RBM25: variants seen among roughly 807,000 people sequenced by gnomAD.
The protein encoded by RBM25 is RNA-binding protein 25.
A neutral mutation model predicts 120.7 loss-of-function variants in RBM25; 19 were observed. The ratio of observed to expected loss-of-function variants is 0.16; its 90% CI spans 0.11 to 0.23. RBM25 has a LOEUF of 0.23. Ranked by LOEUF, RBM25 falls within the 10% of genes least tolerant of loss-of-function variation. The pLI, the probability that RBM25 is intolerant of heterozygous loss-of-function variation, is 1.00. For missense variants in RBM25, 605 were observed against 1,041.5 expected, an observed-to-expected ratio of 0.58 and a Z score of 5.77; for synonymous variants, 390 against 326.7, an observed-to-expected ratio of 1.19 and a Z score of -2.09.
intron 6 of RBM25, among the ~76,000 whole-genome samples, chr14:73,094,528 A>G (rs1895892094): frequency 6.7e-6 from 1 of 148,336 alleles, no homozygotes; most frequent in Non-Finnish European, 1.5e-5. Flanking sequence ...GCTCACTGCA[A>G]TCTCTGCCTC....
chr14:73,068,946 C>T (rs186970710), intron 1 of RBM25, among the ~76,000 whole-genome samples: 5 of 152,276 alleles, frequency 3.3e-5, no homozygotes, highest in Non-Finnish European at 5.9e-5. Flanking sequence ...CTCTGTCACC[C>T]AGGCTGGAGT....
intron 18 of RBM25, among the ~76,000 whole-genome samples, chr14:73,118,430 A>G (rs931012297): frequency 2.0e-5 from 3 of 151,522 alleles, no homozygotes; most frequent in African/African-American, 7.3e-5. Flanking sequence ...GTGCACCATG[A>G]TCATGCCACT....
chr14:73,074,409 A>G (rs1451844164), intron 2 of RBM25, among the ~76,000 whole-genome samples: 1 of 151,956 alleles, frequency 6.6e-6, no homozygotes, highest in Non-Finnish European at 1.5e-5. Flanking sequence ...GATGGGCCTT[A>G]CCATAACCAT....
intron 5 of RBM25, among the ~76,000 whole-genome samples, chr14:73,085,219 G>A (rs377611442): frequency 4.0e-5 from 6 of 149,350 alleles, no homozygotes; most frequent in South Asian, 2.1e-4. Flanking sequence ...GGGTTTCACC[G>A]TGTTGGCCAG....
At chr14:73,085,319 A>AC (rs1290585423) in intron 5 of RBM25, among the ~76,000 whole-genome samples, 42 of 130,338 alleles carry the variant, frequency 3.2e-4, no homozygotes, top group Middle Eastern at 9.6e-3. Context: ...GCCCGGCCTC[A>AC]TCAGTAGTCT....
At chr14:73,093,304 C>T (rs1369516259) in intron 6 of RBM25, among the ~76,000 whole-genome samples, 1 of 152,178 alleles carries the variant, frequency 6.6e-6, no homozygotes, top group Non-Finnish European at 1.5e-5. Context: ...AAGGTTCGTA[C>T]TTTGGATTCT....
intron 5 of RBM25, among the ~76,000 whole-genome samples, chr14:73,086,739 C>G (rs1457762292): frequency 6.6e-6 from 1 of 152,110 alleles, no homozygotes; most frequent in East Asian, 1.9e-4. Flanking sequence ...GGGTCTCTGT[C>G]TGTTGCCCAG....
chr14:73,100,122 A>G, intron 9 of RBM25: 1 of 472,078 alleles, frequency 2.1e-6, no homozygotes, highest in Non-Finnish European at 3.7e-6. Context: ...TCTTAGGAAT[A>G]CCTTTTCTTT....
chr14:73,084,064 A>G (rs1895627747), intron 5 of RBM25, among the ~76,000 whole-genome samples: 1 of 151,844 alleles, frequency 6.6e-6, no homozygotes. Flanking sequence ...TGCCCGGCTA[A>G]TTTTTGTATT....
chr14:73,119,307 C>G (rs914017245), intron 18 of RBM25, among the ~76,000 whole-genome samples: 2 of 151,824 alleles, frequency 1.3e-5, no homozygotes, highest in African/African-American at 4.8e-5. Flanking sequence ...GAGTCTTGCT[C>G]TGTTGCTCAG....
intron 13 of RBM25, among the ~76,000 whole-genome samples, chr14:73,108,816 G>C (rs1294889470): frequency 6.6e-6 from 1 of 152,156 alleles, no homozygotes; most frequent in East Asian, 1.9e-4. Flanking sequence ...AATATTGAAG[G>C]CTAGAAGCAT....
At chr14:73,080,909 C>T (rs1439924677) in intron 4 of RBM25, among the ~76,000 whole-genome samples, 1 of 151,046 alleles carries the variant, frequency 6.6e-6, no homozygotes, top group African/African-American at 2.4e-5. Flanking sequence ...ACTGCAACCT[C>T]GCCATCCGGG....
chr14:73,099,793 T>C, intron 9 of RBM25, 43 bp downstream of exon 9: 2 of 1,551,034 alleles, frequency 1.3e-6, no homozygotes, highest in Non-Finnish European at 1.7e-6. Context: ...CTAGACTTTT[T>C]ACAGAATCCA....
chr14:73,075,320 G>C (rs766318149), intron 2 of RBM25, among the ~76,000 whole-genome samples: 6 of 151,916 alleles, frequency 3.9e-5, no homozygotes, highest in Non-Finnish European at 5.9e-5. Context: ...CACTACGCCT[G>C]GCTAATTTTT....
intron 18 of RBM25, among the ~76,000 whole-genome samples, chr14:73,119,289 T>C (rs1566604554): frequency 6.6e-6 from 1 of 152,068 alleles, no homozygotes; most frequent in Admixed American, 6.5e-5. Context: ...TTTTTCTTTT[T>C]TGAGATGGAG....
At chr14:73,098,846 G>T (rs1380780130) in intron 7 of RBM25, among the ~76,000 whole-genome samples, 1 of 152,154 alleles carries the variant, frequency 6.6e-6, no homozygotes, top group Non-Finnish European at 1.5e-5. Context: ...GTTTCACTGT[G>T]TTAGCCAGGA....
intron 6 of RBM25, among the ~76,000 whole-genome samples, chr14:73,093,478 G>A (rs1336607412): frequency 1.3e-5 from 2 of 152,058 alleles, no homozygotes; most frequent in East Asian, 3.9e-4. Context: ...TTCACCTTTT[G>A]TTTCCCAGTA....
Position 73,122,115 on chromosome 14 carries a change from A to C in RBM25, c.*2310A>C, listed in dbSNP as rs1896549376. ...CAGGCATATTCTAGTGTCTGAAAAT[A>C]CACATAAGAAATTTCTATTAAGTTG... On this transcript the variant is annotated 3_prime_UTR_variant, in exon 19 of 19. Coordinates refer to ENST00000261973, the MANE Select transcript of RBM25 (RefSeq NM_021239.3). 6.6e-6 allele frequency: 1 copy of C among 152,236 alleles called. No homozygotes were observed. 9.4% of individuals were successfully genotyped at this position (152,236 alleles called of 1,614,324 possible). A position where few individuals can be genotyped will look rare whatever the true frequency, so the allele number is the denominator to read the frequency against.
intron 9 of RBM25, chr14:73,102,965 C>A: frequency 2.6e-6 from 2 of 766,096 alleles, no homozygotes; most frequent in Non-Finnish European, 3.8e-6. Context: ...AATCTCCCAG[C>A]ATCCAAGATT....
Sources: gnomAD v4.1 joint callset for allele counts (sites outside exome capture counted in the v4.1 genomes callset) on GRCh38, gnomAD v4.1.1 for gene constraint, MANE v1.5 for transcripts, NCBI Gene and HGNC (gene_info 2026-07-23, HGNC 2026-07-21) for gene names.